Variants in SLCO5A1 observed in about 807,000 individuals in gnomAD.
SLCO5A1 encodes the protein organic anion transporter polypeptide-related protein 4.
In SLCO5A1, 39 loss-of-function variants were observed where a neutral mutation model predicts 65.1. The ratio of observed to expected loss-of-function variants is 0.60; its 90% CI spans 0.46 to 0.78. The LOEUF is 0.78. Among genes scored for constraint, SLCO5A1 ranks in the 30% least tolerant of loss-of-function variants. The probability of loss-of-function intolerance (pLI) is 0.00; values close to 1 mark genes in which losing one functional copy is unlikely to be tolerated. For synonymous variants in SLCO5A1, 438 were observed against 415.7 expected, an observed-to-expected ratio of 1.05 and a Z score of -0.65; for missense variants, 1,029 against 1,069.4, an observed-to-expected ratio of 0.96 and a Z score of 0.53.
chr8:69,809,733 GGTGTGT>G (rs111791623), intron 2 of SLCO5A1, among the ~76,000 whole-genome samples: 1 of 149,280 alleles, frequency 6.7e-6, no homozygotes, highest in Admixed American at 6.7e-5. Flanking sequence ...TAAGGAGTGT[GGTGTGT>G]GTGTGTGTGT....
At chr8:69,785,646 C>T (rs1563723885) in intron 2 of SLCO5A1, among the ~76,000 whole-genome samples, 1 of 152,176 alleles carries the variant, frequency 6.6e-6, no homozygotes, top group African/African-American at 2.4e-5. Context: ...ACCCAAGTCA[C>T]AAAACTAGTA....
In SLCO5A1 at chr8:69,787,504, G is replaced by A. The variant is rs558065362; in HGVS notation, c.908-25629C>T. ...AAACCCTTAAAGCTGGATGTGTCTT[G>A]GAATTAAGAATTTTTCACATTTTAC... is the stretch of plus-strand genomic sequence containing the variant. On this transcript the variant is annotated intron_variant, in intron 2 of 9. Coordinates refer to ENST00000260126, the MANE Select transcript of SLCO5A1 (RefSeq NM_030958.3). Among the ~76,000 whole-genome samples the A allele has an allele frequency of 4.6e-5, 7 of 152,246 alleles. No individual in the cohort carries two copies. The South Asian group carries it at 1.5e-3, about 32-fold the overall frequency.
chr8:69,722,963 A>G (rs1345614194), intron 5 of SLCO5A1, among the ~76,000 whole-genome samples: 1 of 152,198 alleles, frequency 6.6e-6, no homozygotes, highest in Admixed American at 6.5e-5. Context: ...AGACTATAGT[A>G]AATATATATT....
At chr8:69,707,550 CATG>C (rs1229210732) in intron 5 of SLCO5A1, among the ~76,000 whole-genome samples, 1 of 152,110 alleles carries the variant, frequency 6.6e-6, no homozygotes, top group African/African-American at 2.4e-5. Flanking sequence ...CATGAAAGAC[CATG>C]AAAAGGAGCT....
rs1196936591 is a variant in SLCO5A1, at chr8:69,725,466, T to TGTATGTATGTAC, written c.1423+12573_1423+12574insGTACATACATAC. Among the ~76,000 whole-genome samples, 689 of 151,694 alleles carry TGTATGTATGTAC rather than the reference T, an allele frequency of 4.5e-3. 5 individuals are homozygous for TGTATGTATGTAC. Among genetic ancestry groups the TGTATGTATGTAC allele is most frequent in the African/African-American group, 0.015 (635 of 41,416 alleles). ...AAGGGAGAAAAAGAATAAAGATGTA[T>TGTATGTATGTAC]GTATGTATGTATGTATGTATGTATG... On this transcript the variant is annotated intron_variant, in intron 5 of 9. Coordinates refer to ENST00000260126, the MANE Select transcript of SLCO5A1 (RefSeq NM_030958.3).
chr8:69,790,017 ACT>A (rs1563726039), intron 2 of SLCO5A1, among the ~76,000 whole-genome samples: 1 of 151,838 alleles, frequency 6.6e-6, no homozygotes, highest in Non-Finnish European at 1.5e-5. Context: ...ATATGGTGAA[ACT>A]CTGTCTCTAC....
chr8:69,735,716 T>TG (rs35156002), intron 5 of SLCO5A1, among the ~76,000 whole-genome samples: 15,360 of 152,142 alleles, frequency 0.1, 1,216 homozygotes, highest in African/African-American at 0.22. Context: ...CTAATGCATG[T>TG]GGGGCTTAAT....
intron 2 of SLCO5A1, among the ~76,000 whole-genome samples, chr8:69,773,525 C>T (rs1818430104): frequency 6.6e-6 from 1 of 152,200 alleles, no homozygotes; most frequent in South Asian, 2.1e-4. Context: ...GCCTCTCTGT[C>T]CACCTCATTC....
chr8:69,771,931 G>A (rs1033063298), intron 2 of SLCO5A1, among the ~76,000 whole-genome samples: 4 of 152,206 alleles, frequency 2.6e-5, no homozygotes, highest in Non-Finnish European at 4.4e-5. Flanking sequence ...TCTTTATTCA[G>A]CTCCAGCCTG....
At chr8:69,699,590 C>G (rs1814637770) in intron 6 of SLCO5A1, among the ~76,000 whole-genome samples, 1 of 152,084 alleles carries the variant, frequency 6.6e-6, no homozygotes, top group Non-Finnish European at 1.5e-5. Flanking sequence ...TTTTTAAGTT[C>G]TCATTCTTCA....
intron 2 of SLCO5A1, among the ~76,000 whole-genome samples, chr8:69,764,827 A>C (rs1383408094): frequency 6.6e-6 from 1 of 152,216 alleles, no homozygotes; most frequent in Non-Finnish European, 1.5e-5. Context: ...CTCTGGCATG[A>C]AAGAAGCTAT....
intron 3 of SLCO5A1, among the ~76,000 whole-genome samples, chr8:69,760,953 G>A (rs1253664947): frequency 1.3e-5 from 2 of 152,200 alleles, no homozygotes; most frequent in Non-Finnish European, 2.9e-5. Context: ...TGTGACAATG[G>A]AAAAGCAGGA....
At chr8:69,722,430 G>A (rs1424930023) in intron 5 of SLCO5A1, among the ~76,000 whole-genome samples, 1 of 152,086 alleles carries the variant, frequency 6.6e-6, no homozygotes, top group Non-Finnish European at 1.5e-5. Context: ...TAATAAATAT[G>A]TGGAGTACTT....
Position 69,831,982 on chromosome 8 carries a change from G to T in SLCO5A1, c.692C>A (p.Ala231Asp), listed in dbSNP as rs1334962436. ...PYQIQELNAS[A>D]PNDGLCQGGN... is the part of the protein sequence containing the mutation. ...ACCCTGACACAGGCCGTCGTTGGGG[G>T]CCGAGGCGTTCAACTCTTGGATCTG... is the stretch of plus-strand genomic sequence containing the variant. The change falls in exon 2 of 10, where the codon GCC becomes GAC. Residue 231 changes from alanine (A) to aspartate (D), a missense_variant. Ala to Asp is a moderately radical substitution (Grantham distance 126, BLOSUM62 -2). Around this residue, in one of 3 missense-constraint regions of SLCO5A1, gnomAD observed 647 missense variants for 647.5 expected, o/e 1.00. Coordinates refer to ENST00000260126, the MANE Select transcript of SLCO5A1 (RefSeq NM_030958.3). 5 of 1,594,340 alleles carry T rather than the reference G, an allele frequency of 3.1e-6. No individual in the cohort carries two copies. The highest frequency in any genetic ancestry group is 1.1e-5 in the South Asian group (1 of 87,724).
At chr8:69,772,992 T>A (rs934817127) in intron 2 of SLCO5A1, 4 of 984,058 alleles carry the variant, frequency 4.1e-6, no homozygotes, top group Middle Eastern at 5.2e-4. Context: ...AAAGGAATGA[T>A]ACGTTATAAT....
chr8:69,757,746 C>T (rs1817591748), intron 3 of SLCO5A1, among the ~76,000 whole-genome samples: 2 of 144,166 alleles, frequency 1.4e-5, no homozygotes, highest in South Asian at 4.6e-4. Flanking sequence ...AATGCCTGGC[C>T]CTCTTAGTAC....
At chr8:69,800,410 T>C (rs182954599) in intron 2 of SLCO5A1, among the ~76,000 whole-genome samples, 1 of 152,086 alleles carries the variant, frequency 6.6e-6, no homozygotes, top group East Asian at 1.9e-4. Flanking sequence ...TGATGTGCTT[T>C]ATAGCTTATA....
At chr8:69,831,566 A>C (rs1821152687) in intron 2 of SLCO5A1, among the ~76,000 whole-genome samples, 1 of 152,224 alleles carries the variant, frequency 6.6e-6, no homozygotes, top group Non-Finnish European at 1.5e-5. Context: ...ATGAGTCTGA[A>C]AATTAGTTTC....
chr8:69,734,061 A>C (rs2130839488), intron 5 of SLCO5A1, among the ~76,000 whole-genome samples: 1 of 152,296 alleles, frequency 6.6e-6, no homozygotes, highest in South Asian at 2.1e-4. Flanking sequence ...AGAGGAGTGA[A>C]GTGGGGTTGA....
Sources: gnomAD v4.1 joint callset for allele counts (sites outside exome capture counted in the v4.1 genomes callset) on GRCh38, gnomAD v4.1.1 for gene constraint, gnomAD v4.1.1 regional missense constraint, MANE v1.5 for transcripts, NCBI Gene and HGNC (gene_info 2026-07-23, HGNC 2026-07-21) for gene names.